The following CNKSR2 variants were observed in gnomAD, a reference collection of about 807,000 sequenced individuals.
CNKSR2 encodes the protein connector enhancer of kinase suppressor of Ras 2.
A neutral mutation model predicts 84.4 loss-of-function variants in CNKSR2; 14 were observed. That is an observed-to-expected ratio of 0.17 (90% CI 0.11 to 0.26). CNKSR2 has a LOEUF of 0.26. CNKSR2 is among the 10% of genes least tolerant of loss of function. The pLI, the probability that CNKSR2 is intolerant of heterozygous loss-of-function variation, is 1.00. For missense variants in CNKSR2, 485 were observed against 771.2 expected (o/e 0.63, Z 4.40); for synonymous variants, 275 against 277.9 (o/e 0.99, Z 0.10).
At position 21,576,400 on chromosome X, in the gene CNKSR2, C is replaced by T. The variant is rs921538627; in HGVS notation, c.1608+12948C>T. Reference sequence around the variant, plus strand: ...GCATATGCTTAGAGGAAATTTATAGCCCTAAATGCTTACATGAGAAAAGAA... The same window carrying T: ...GCATATGCTTAGAGGAAATTTATAGTCCTAAATGCTTACATGAGAAAAGAA... On this transcript the variant is annotated intron_variant, in intron 13 of 21. Coordinates refer to ENST00000379510, the MANE Select transcript of CNKSR2 (RefSeq NM_014927.5). Among the ~76,000 whole-genome samples the T allele has an allele frequency of 9.0e-5, 10 of 111,044 alleles. 1 individual carries two copies. Among genetic ancestry groups the T allele is most frequent in the African/African-American group, 2.9e-4 (9 of 30,606 alleles).
At chrX:21,441,653 A>T (rs1283654382) in intron 4 of CNKSR2, among the ~76,000 whole-genome samples, 1 of 111,853 alleles carries the variant, frequency 8.9e-6, no homozygotes, top group African/African-American at 3.2e-5. Context: ...TCATCTAATC[A>T]TCTAATTCAG....
At chrX:21,456,443 T>C (rs1351769692) in intron 4 of CNKSR2, among the ~76,000 whole-genome samples, 4 of 112,033 alleles carry the variant, frequency 3.6e-5, no homozygotes, top group Non-Finnish European at 1.9e-5. Context: ...AGATTTCATA[T>C]ATAAATGAGA....
intron 20 of CNKSR2, among the ~76,000 whole-genome samples, chrX:21,625,873 C>CAT: frequency 9.0e-6 from 1 of 111,730 alleles, no homozygotes; most frequent in Non-Finnish European, 1.9e-5. Flanking sequence ...CAGTGTTCAG[C>CAT]TTGTACCCGC....
rs7066997 is a variant in CNKSR2, at chrX:21,544,480, T to C, written c.1303+12413T>C. ...AGTATATTATATAAAATAAATAAAA[T>C]GGTTGGAGAGCCTTAAAGAAATTAA... On this transcript the variant is annotated intron_variant, in intron 11 of 21. Coordinates refer to ENST00000379510, the MANE Select transcript of CNKSR2 (RefSeq NM_014927.5). Among the ~76,000 whole-genome samples, 1,080 of 111,758 alleles carry C rather than the reference T, an allele frequency of 9.7e-3. 12 individuals are homozygous for C. Among genetic ancestry groups the C allele is most frequent in the African/African-American group, 0.032 (978 of 30,782 alleles).
rs753497677 is a variant in CNKSR2, at chrX:21,646,347, G to A, written c.2693-2484G>A. 1.1e-4 allele frequency among the ~76,000 whole-genome samples: 12 copies of A among 111,463 alleles called. No individual in the cohort carries two copies. The South Asian group carries it at 2.6e-3, about 25-fold the overall frequency. ...TTTTGATTGAATGCTTTTCTCCCCC[G>A]TAAGAGCAAGAAGGGGGAGAAACTT... On this transcript the variant is annotated intron_variant, in intron 20 of 21. Coordinates refer to ENST00000379510, the MANE Select transcript of CNKSR2 (RefSeq NM_014927.5).
intron 11 of CNKSR2, among the ~76,000 whole-genome samples, chrX:21,548,038 C>A (rs973673123): frequency 9.8e-5 from 11 of 111,728 alleles, no homozygotes; most frequent in African/African-American, 3.3e-4. Flanking sequence ...CAAGAGCAAA[C>A]ACATTCAAAA....
intron 11 of CNKSR2, among the ~76,000 whole-genome samples, chrX:21,543,916 G>A (rs1469354440): frequency 1.8e-5 from 2 of 110,237 alleles, no homozygotes; most frequent in African/African-American, 3.3e-5. Flanking sequence ...TCCACCTCTC[G>A]GGTTCAAGCA....
chrX:21,533,588 G>A (rs915160223), intron 11 of CNKSR2, among the ~76,000 whole-genome samples: 1 of 110,884 alleles, frequency 9.0e-6, no homozygotes, highest in Non-Finnish European at 1.9e-5. Context: ...TAGTCCCTTC[G>A]GACTACATTT....
At chrX:21,440,989 T>C (rs1015462794) in intron 4 of CNKSR2, 21 of 290,407 alleles carry the variant, frequency 7.2e-5, no homozygotes, top group Non-Finnish European at 1.1e-4. Flanking sequence ...AAAAGGAACC[T>C]GACCTGTACA....
At chrX:21,406,336 G>T (rs1403784339) in intron 1 of CNKSR2, among the ~76,000 whole-genome samples, 1 of 111,341 alleles carries the variant, frequency 9.0e-6, no homozygotes, top group African/African-American at 3.3e-5. Context: ...GGCCAAAAAG[G>T]TTGGGGACTA....
intron 4 of CNKSR2, among the ~76,000 whole-genome samples, chrX:21,447,103 T>G (rs2147097525): frequency 9.0e-6 from 1 of 111,645 alleles, no homozygotes; most frequent in African/African-American, 3.2e-5. Flanking sequence ...AACAATGCTG[T>G]CACTCTGTTT....
At chrX:21,403,580 A>G (rs5951446) in intron 1 of CNKSR2, among the ~76,000 whole-genome samples, 10,386 of 111,508 alleles carry the variant, frequency 0.093, 1,183 homozygotes, top group African/African-American at 0.32. Context: ...ATTCTTCACT[A>G]AATGTAAGTT....
chrX:21,624,699 T>A (rs1286480653), intron 20 of CNKSR2, among the ~76,000 whole-genome samples: 1 of 111,306 alleles, frequency 9.0e-6, no homozygotes, highest in Non-Finnish European at 1.9e-5. Context: ...CCTCAAGTGA[T>A]CCTCCCAAAG....
chrX:21,637,568 C>T (rs1321109410), intron 20 of CNKSR2, among the ~76,000 whole-genome samples: 1 of 111,279 alleles, frequency 9.0e-6, no homozygotes, highest in Admixed American at 9.6e-5. Flanking sequence ...TCTTTAATAT[C>T]CAGTCTTTTT....
chrX:21,572,158 A>G (rs1257842495), intron 13 of CNKSR2, among the ~76,000 whole-genome samples: 1 of 112,533 alleles, frequency 8.9e-6, no homozygotes, highest in African/African-American at 3.2e-5. Flanking sequence ...AGTCTGTACT[A>G]TGAAAAGTAT....
intron 8 of CNKSR2, among the ~76,000 whole-genome samples, chrX:21,508,683 G>A (rs1241734196): frequency 7.1e-5 from 8 of 111,947 alleles, no homozygotes; most frequent in Non-Finnish European, 9.4e-5. Flanking sequence ...AAAGTGAGCT[G>A]TATGTTCAAG....
chrX:21,561,666 C>T, intron 12 of CNKSR2, 106 bp downstream of exon 12: 1 of 572,626 alleles, frequency 1.7e-6, no homozygotes, highest in South Asian at 3.1e-5. Context: ...CTTATTCTAT[C>T]ATTGACTTTA....
At chrX:21,422,847 A>T (rs1389810865) in intron 1 of CNKSR2, among the ~76,000 whole-genome samples, 1 of 111,315 alleles carries the variant, frequency 9.0e-6, no homozygotes, top group Non-Finnish European at 1.9e-5. Flanking sequence ...ATAAGTATAT[A>T]CAGTTATTAT....
chrX:21,547,114 A>G (rs1156968492), intron 11 of CNKSR2, among the ~76,000 whole-genome samples: 1 of 111,880 alleles, frequency 8.9e-6, no homozygotes, highest in African/African-American at 3.3e-5. Flanking sequence ...AAATGCCCCA[A>G]TTAAAAGACA....
Sources: gnomAD v4.1 joint callset for allele counts (sites outside exome capture counted in the v4.1 genomes callset) on GRCh38, gnomAD v4.1.1 for gene constraint, MANE v1.5 for transcripts, NCBI Gene and HGNC (gene_info 2026-07-23, HGNC 2026-07-21) for gene names.